PRKAG2: variants seen among roughly 807,000 people sequenced by gnomAD.
The protein encoded by PRKAG2 is protein kinase AMP-activated non-catalytic subunit gamma 2, also known as 5'-AMP-activated protein kinase subunit gamma-2.
Under a neutral mutation model 69.6 loss-of-function variants are expected in PRKAG2, and 26 were observed. The observed-to-expected ratio is 0.37, with a 90% CI of 0.27 to 0.52. The LOEUF is 0.52. Among genes scored for constraint, PRKAG2 ranks in the 20% least tolerant of loss-of-function variants. The pLI, the probability that PRKAG2 is intolerant of heterozygous loss-of-function variation, is 0.90. For synonymous variants in PRKAG2, 293 were observed against 285.0 expected, an observed-to-expected ratio of 1.03 and a Z score of -0.28; for missense variants, 557 against 740.0, an observed-to-expected ratio of 0.75 and a Z score of 2.87.
intron 1 of PRKAG2, among the ~76,000 whole-genome samples, chr7:151,811,573 CT>C (rs1165150946): frequency 6.6e-6 from 1 of 152,264 alleles, no homozygotes; most frequent in African/African-American, 2.4e-5. Flanking sequence ...TTAACTCACA[CT>C]TGTGGGAAGG....
At chr7:151,681,338 C>T (rs570308957) in intron 3 of PRKAG2, among the ~76,000 whole-genome samples, 22 of 152,288 alleles carry the variant, frequency 1.4e-4, no homozygotes, top group African/African-American at 5.1e-4. Context: ...ACCTGGCCTT[C>T]CTGTTCCTTC....
intron 4 of PRKAG2, among the ~76,000 whole-genome samples, chr7:151,669,324 C>T (rs184580952): frequency 0.013 from 1,918 of 152,300 alleles, 22 homozygotes; most frequent in Non-Finnish European, 0.021. Flanking sequence ...CTTCTGCTGT[C>T]GACCCTGCCA....
intron 3 of PRKAG2, among the ~76,000 whole-genome samples, chr7:151,701,144 CT>C (rs944161683): frequency 6.6e-6 from 1 of 152,208 alleles, no homozygotes; most frequent in Non-Finnish European, 1.5e-5. Flanking sequence ...GAGCAGGCAC[CT>C]GACCCAGACC....
intron 4 of PRKAG2, among the ~76,000 whole-genome samples, chr7:151,634,178 A>G (rs560235632): frequency 1.3e-5 from 2 of 152,366 alleles, no homozygotes; most frequent in East Asian, 3.9e-4. Flanking sequence ...ATCAATAGAA[A>G]TAAATAGAAA....
chr7:151,590,039 G>A, intron 6 of PRKAG2, among the ~76,000 whole-genome samples: 1 of 152,206 alleles, frequency 6.6e-6, no homozygotes, highest in East Asian at 1.9e-4. Context: ...ACAGTGTTGA[G>A]CTCTTTGTCA....
chr7:151,832,239 GGAGGGAAGGAAGGGAGGAGGGAAGGAA>G (rs1563737782), intron 1 of PRKAG2, among the ~76,000 whole-genome samples: 319 of 30,760 alleles, frequency 0.01, 5 homozygotes, highest in African/African-American at 0.02. Flanking sequence ...AAGGAGAGGA[GGAGGGAAGGAAGGGAGGAGGGAAGGAA>G]GGGAGGAGGG....
intron 1 of PRKAG2, among the ~76,000 whole-genome samples, chr7:151,866,176 A>G (rs2080073313): frequency 6.6e-6 from 1 of 152,212 alleles, no homozygotes; most frequent in Non-Finnish European, 1.5e-5. Context: ...AACCGAAGGG[A>G]GGCAGCAGAC....
intron 3 of PRKAG2, among the ~76,000 whole-genome samples, chr7:151,763,637 G>A (rs1409749454): frequency 6.6e-6 from 1 of 152,208 alleles, no homozygotes; most frequent in East Asian, 1.9e-4. Flanking sequence ...AAGCCTGGCC[G>A]GACCTCCAGG....
chr7:151,629,221 A>C (rs1348977139), intron 5 of PRKAG2, among the ~76,000 whole-genome samples: 1 of 152,194 alleles, frequency 6.6e-6, no homozygotes, highest in East Asian at 1.9e-4. Flanking sequence ...AATATTTACT[A>C]TCTGACCCTT....
At chr7:151,799,912 T>C (rs546367575) in intron 1 of PRKAG2, among the ~76,000 whole-genome samples, 85 of 152,276 alleles carry the variant, frequency 5.6e-4, no homozygotes, top group African/African-American at 1.9e-3. Context: ...CTAACAACAC[T>C]CACAACAACC....
At chr7:151,635,389 G>A (rs1825559327) in intron 4 of PRKAG2, among the ~76,000 whole-genome samples, 1 of 152,214 alleles carries the variant, frequency 6.6e-6, no homozygotes, top group African/African-American at 2.4e-5. Flanking sequence ...ACTTGTACAT[G>A]AATATTCATA....
At chr7:151,738,665 G>A (rs1210751169) in intron 3 of PRKAG2, among the ~76,000 whole-genome samples, 3 of 152,330 alleles carry the variant, frequency 2.0e-5, no homozygotes, top group African/African-American at 4.8e-5. Flanking sequence ...CCTTTAATTC[G>A]GCCCATCCCT....
Position 151,632,577 on chromosome 7 carries a change from A to G in PRKAG2, c.685-439T>C, listed in dbSNP as rs1310094373. ...GCCCCCCGGCGCCGCTCACCTTCCCAGCACCGGCGGCCGCGCTCGGCAGGC... is the reference window on the plus strand; with the variant it reads ...GCCCCCCGGCGCCGCTCACCTTCCCGGCACCGGCGGCCGCGCTCGGCAGGC... On this transcript the variant is annotated intron_variant, in intron 4 of 15. Transcript: ENST00000287878. The surrounding 1 kb of genome is among the most constrained non-coding windows in gnomAD (Gnocchi z 4.2). 1.0e-6 allele frequency: 1 copy of G among 983,192 alleles called. No homozygotes were observed. The allele number at this position is 983,192 out of a possible 1,614,324, so 60.9% of individuals were successfully genotyped here. A position where few individuals can be genotyped will look rare whatever the true frequency, so the allele number is the denominator to read the frequency against.
At chr7:151,803,873 G>T (rs2077966088) in intron 1 of PRKAG2, among the ~76,000 whole-genome samples, 1 of 150,280 alleles carries the variant, frequency 6.7e-6, no homozygotes, top group Non-Finnish European at 1.5e-5. Flanking sequence ...GGGAGGCAGA[G>T]GTTGCAGTGA....
intron 14 of PRKAG2, 80 bp downstream of exon 14, chr7:151,563,998 A>T (rs1805670151): frequency 6.3e-7 from 1 of 1,595,560 alleles, no homozygotes; most frequent in South Asian, 1.1e-5. Context: ...CCTGAGATTC[A>T]GGCTTCCAGA....
intron 1 of PRKAG2, among the ~76,000 whole-genome samples, chr7:151,863,239 CA>C (rs2079981205): frequency 6.6e-6 from 1 of 151,790 alleles, no homozygotes; most frequent in Non-Finnish European, 1.5e-5. Flanking sequence ...TCCCCAGGTA[CA>C]GGGGGCACTG....
At chr7:151,693,993 T>A (rs1316717274) in intron 3 of PRKAG2, among the ~76,000 whole-genome samples, 2 of 152,202 alleles carry the variant, frequency 1.3e-5, no homozygotes, top group African/African-American at 4.8e-5. Flanking sequence ...TGCCTCAGCC[T>A]CCTGAGCAGC....
chr7:151,682,534 G>A (rs1834033507), intron 3 of PRKAG2, among the ~76,000 whole-genome samples: 1 of 152,168 alleles, frequency 6.6e-6, no homozygotes, highest in Non-Finnish European at 1.5e-5. Context: ...CGCCATGCCT[G>A]GCCCCCCATT....
chr7:151,672,333 G>A (rs1171407307), intron 4 of PRKAG2, among the ~76,000 whole-genome samples: 1 of 150,326 alleles, frequency 6.7e-6, no homozygotes, highest in African/African-American at 2.4e-5. Flanking sequence ...GATCTCTCGT[G>A]ATCCACCCAC....
Sources: gnomAD v4.1 joint callset for allele counts (sites outside exome capture counted in the v4.1 genomes callset) on GRCh38, gnomAD v4.1.1 for gene constraint, Gnocchi (gnomAD v3.1) non-coding constraint, MANE v1.5 for transcripts, NCBI Gene and HGNC (gene_info 2026-07-23, HGNC 2026-07-21) for gene names.